The following CCDC150 variants were observed in gnomAD, a reference collection of about 807,000 sequenced individuals.
CCDC150 encodes the protein coiled-coil domain-containing protein 150.
CCDC150 carries 151 observed loss-of-function variants against 156.5 expected under a neutral mutation model. The ratio of observed to expected loss-of-function variants is 0.97; its 90% CI spans 0.85 to 1.10. The LOEUF (loss-of-function observed/expected upper bound fraction) is 1.10. CCDC150 is among the 50% of genes least tolerant of loss of function. The probability of loss-of-function intolerance (pLI) is 0.00; values close to 1 mark genes in which losing one functional copy is unlikely to be tolerated. For synonymous variants in CCDC150, 452 were observed against 429.4 expected, an observed-to-expected ratio of 1.05 and a Z score of -0.65; for missense variants, 1,312 against 1,268.1, an observed-to-expected ratio of 1.03 and a Z score of -0.53.
At chr2:196,664,229 C>T (rs984222504) in intron 5 of CCDC150, among the ~76,000 whole-genome samples, 9 of 152,188 alleles carry the variant, frequency 5.9e-5, no homozygotes, top group Non-Finnish European at 1.0e-4. Context: ...GACACTGACA[C>T]TATCTACCTG....
Position 196,730,906 on chromosome 2 carries a change from A to G in CCDC150, c.3030A>G (p.Thr1010=), listed in dbSNP as rs950539465. 4 of 1,602,552 alleles carry G rather than the reference A, an allele frequency of 2.5e-6. No individual in the cohort carries two copies. The Admixed American group carries it at 5.1e-5, about 21-fold the overall frequency. The change falls in exon 26 of 28, where the codon ACA becomes ACG. Residue 1010 remains threonine, a synonymous_variant. Coordinates refer to ENST00000389175, the MANE Select transcript of CCDC150 (RefSeq NM_001080539.2). ...ACCTGAAGAAATGTAAAGAGGCAAC[A>G]GAGAATACGCTGAAAGAAGCCAGTG... is the stretch of plus-strand genomic sequence containing the variant. ...VRHLKKCKEA[T]ENTLKEASVE...
chr2:196,710,884 A>G (rs1697066717), intron 15 of CCDC150, among the ~76,000 whole-genome samples: 2 of 151,960 alleles, frequency 1.3e-5, no homozygotes, highest in Admixed American at 1.3e-4. Context: ...TTTTAAGTTC[A>G]GTGGTGGATA....
chr2:196,691,725 G>A lies in CCDC150; in HGVS notation c.1510-3321G>A, dbSNP rs981900744. Among the ~76,000 whole-genome samples the A allele has an allele frequency of 4.6e-5, 7 of 152,098 alleles. No homozygotes were observed. The South Asian group carries it at 6.2e-4, about 14-fold the overall frequency. ...TGGGAGGCCGAGGCAGGTGGATCAC[G>A]AGGTCAGGAGTTTGAGATCAGCCTG... On this transcript the variant is annotated intron_variant, in intron 13 of 27. Transcript: ENST00000389175.
At chr2:196,681,932 C>T (rs1210933288) in intron 13 of CCDC150, among the ~76,000 whole-genome samples, 1 of 151,926 alleles carries the variant, frequency 6.6e-6, no homozygotes, top group Non-Finnish European at 1.5e-5. Context: ...TTGATAATGT[C>T]CTTTGATGCA....
intron 15 of CCDC150, among the ~76,000 whole-genome samples, chr2:196,707,640 G>T (rs1203569331): frequency 2.0e-5 from 3 of 151,948 alleles, no homozygotes; most frequent in African/African-American, 4.8e-5. Flanking sequence ...TTCTCTTGTG[G>T]GTATTTAGTG....
intron 13 of CCDC150, among the ~76,000 whole-genome samples, chr2:196,693,735 A>T (rs1271900390): frequency 6.6e-6 from 1 of 152,192 alleles, no homozygotes; most frequent in Admixed American, 6.5e-5. Flanking sequence ...TTAGGGGGAA[A>T]GTTTTTCACT....
intron 2 of CCDC150, among the ~76,000 whole-genome samples, chr2:196,647,855 C>G (rs947323348): frequency 1.2e-4 from 18 of 151,972 alleles, no homozygotes; most frequent in African/African-American, 4.4e-4. Flanking sequence ...GAACTTATAC[C>G]TCTTCTTAAA....
intron 4 of CCDC150, chr2:196,657,480 T>C (rs1380187583): frequency 4.6e-6 from 1 of 219,204 alleles, no homozygotes; most frequent in African/African-American, 2.3e-5. Flanking sequence ...AAAATAAGAG[T>C]ATAGGAAATG....
At chr2:196,720,311 C>T (rs1697805255) in intron 19 of CCDC150, 4 of 411,026 alleles carry the variant, frequency 9.7e-6, no homozygotes, top group Admixed American at 4.2e-5. Context: ...ATTGCCTTTG[C>T]ATTTTTAAAA....
intron 8 of CCDC150, among the ~76,000 whole-genome samples, chr2:196,670,786 G>A (rs547411214): frequency 6.6e-6 from 1 of 152,084 alleles, no homozygotes; most frequent in East Asian, 1.9e-4. Flanking sequence ...TTTAGGCTAT[G>A]GTTTTAGGCA....
chr2:196,644,753 G>A (rs1283015688), intron 1 of CCDC150, among the ~76,000 whole-genome samples: 1 of 152,088 alleles, frequency 6.6e-6, no homozygotes, highest in Non-Finnish European at 1.5e-5. Context: ...CAAAAAGCTT[G>A]TGTCAAAAAA....
chr2:196,675,840 A>G (rs1441489883), intron 10 of CCDC150, among the ~76,000 whole-genome samples: 1 of 152,194 alleles, frequency 6.6e-6, no homozygotes, highest in African/African-American at 2.4e-5. Flanking sequence ...ATTACTTGTA[A>G]TATAATTTTC....
At chr2:196,712,396 G>A in intron 16 of CCDC150, 144 bp downstream of exon 16, 1 of 566,476 alleles carries the variant, frequency 1.8e-6, no homozygotes, top group Admixed American at 3.2e-5. Context: ...TTTTTTTCAA[G>A]CACCTAGTAC....
At chr2:196,666,915 A>G (rs1327815288) in intron 7 of CCDC150, 67 bp downstream of exon 7, 2 of 1,568,486 alleles carry the variant, frequency 1.3e-6, no homozygotes, top group Non-Finnish European at 1.8e-6. Context: ...AAAACTCTTA[A>G]GATCCCAAAT....
Position 196,646,412 on chromosome 2 carries a change from A to G in CCDC150, c.84A>G (p.Thr28=). The change falls in exon 2 of 28, where the codon ACA becomes ACG. Residue 28 remains threonine, a synonymous_variant. Transcript: ENST00000389175. ...PTHINATASE[T]FTVLQQRMRI... Reference sequence around the variant, plus strand: ...ACATCAACGCTACAGCTTCTGAAACATTCACAGTACTTCAGCAAAGGATGA... The same window carrying G: ...ACATCAACGCTACAGCTTCTGAAACGTTCACAGTACTTCAGCAAAGGATGA... The G allele has an allele frequency of 1.2e-6, 2 of 1,613,908 alleles. No individual in the cohort carries two copies. The highest frequency in any genetic ancestry group is 2.2e-5 in the South Asian group (2 of 91,078).
In CCDC150 at chr2:196,656,791, A is replaced by G. The variant is rs1693220310; in HGVS notation, c.335A>G (p.Gln112Arg). The stretch of plus-strand genomic sequence containing the variant: ...ATGTGCCGTCTTGAAAGCCTCATGC[A>G]GTCCTTGAAGATGAACATCTTTCGG... ...NRMCRLESLM[Q>R]SLKMNIFRLQ... Residue 112 changes from glutamine (Q) to arginine (R), a missense_variant, in exon 3 of 28, where the codon CAG becomes CGG. By Grantham distance (43) the Gln-to-Arg change is conservative. Transcript: ENST00000389175. The G allele has an allele frequency of 2.5e-6, 4 of 1,613,832 alleles. No individual in the cohort carries two copies. The Admixed American group carries it at 5.0e-5, about 20-fold the overall frequency.
At position 196,719,313 on chromosome 2, in the gene CCDC150, T is replaced by C. The variant is rs188321057; in HGVS notation, c.1996-184T>C. The C allele has an allele frequency of 1.3e-4, 59 of 445,562 alleles. No homozygotes were observed. In the East Asian group the frequency reaches 2.0e-3, roughly 15 times the overall value. 27.6% of individuals were successfully genotyped at this position (445,562 alleles called of 1,614,324 possible). A position where few individuals can be genotyped will look rare whatever the true frequency, so the allele number is the denominator to read the frequency against. The stretch of plus-strand genomic sequence containing the variant: ...ACCAACTTTTCTGGGGATCAGCTTT[T>C]CTTTTTCTCAACAATAACTTAAGAA... On this transcript the variant is annotated intron_variant, in intron 18 of 27. Transcript: ENST00000389175.
intron 2 of CCDC150, among the ~76,000 whole-genome samples, chr2:196,654,295 T>A (rs1317871028): frequency 6.6e-6 from 1 of 152,136 alleles, no homozygotes; most frequent in East Asian, 1.9e-4. Flanking sequence ...TCCCCAGGCT[T>A]GGGAAGTTTT....
rs748370715 is a variant in CCDC150, at chr2:196,718,679, T to TA, written c.1995+49dup. The TA allele has an allele frequency of 1.1e-5, 17 of 1,598,326 alleles. No individual in the cohort carries two copies. In the South Asian group the frequency reaches 1.9e-4, roughly 18 times the overall value. ...CCGTCTGTCACTGAGAAGAAGCACT[T>TA]ATGAAATCTTTCATGAGCCATATGT... On this transcript the variant is annotated intron_variant, in intron 18 of 27. Coordinates refer to ENST00000389175, the MANE Select transcript of CCDC150 (RefSeq NM_001080539.2).
Sources: allele counts gnomAD v4.1 joint callset (sites outside exome capture counted in the v4.1 genomes callset), GRCh38; gene constraint gnomAD v4.1.1; transcripts MANE v1.5; gene names NCBI Gene and HGNC (gene_info 2026-07-23, HGNC 2026-07-21).